Variants in GALNTL6 observed in about 807,000 individuals in gnomAD.
The protein encoded by GALNTL6 is polypeptide N-acetylgalactosaminyltransferase like 6, also known as polypeptide N-acetylgalactosaminyltransferase-like 6.
A neutral mutation model predicts 73.7 loss-of-function variants in GALNTL6; 46 were observed. That is an observed-to-expected ratio of 0.62 (90% CI 0.49 to 0.80). The LOEUF is 0.80. GALNTL6 is among the 30% of genes least tolerant of loss of function. The pLI is 0.00. For missense variants in GALNTL6, 604 were observed against 755.0 expected (o/e 0.80, Z 2.34); for synonymous variants, 259 against 263.7 (o/e 0.98, Z 0.17).
At chr4:172,216,036 G>A (rs73870025) in intron 2 of GALNTL6, among the ~76,000 whole-genome samples, 2,054 of 152,046 alleles carry the variant, frequency 0.014, 41 homozygotes, top group African/African-American at 0.046. Flanking sequence ...CACCCAATAT[G>A]TTGTTGCTAA....
intron 2 of GALNTL6, among the ~76,000 whole-genome samples, chr4:171,961,569 A>T (rs1222931334): frequency 6.6e-6 from 1 of 152,352 alleles, no homozygotes. Flanking sequence ...TAATAAAGCA[A>T]ATCAGTCTTA....
chr4:172,316,030 G>A (rs182134801), intron 4 of GALNTL6, among the ~76,000 whole-genome samples: 1 of 152,216 alleles, frequency 6.6e-6, no homozygotes, highest in African/African-American at 2.4e-5. Flanking sequence ...GCATGAATAT[G>A]TTGTTGCTAA....
At chr4:172,177,549 GTCTT>G (rs1349980228) in intron 2 of GALNTL6, among the ~76,000 whole-genome samples, 2 of 151,760 alleles carry the variant, frequency 1.3e-5, no homozygotes, top group Non-Finnish European at 1.5e-5. Flanking sequence ...ATATTTACTT[GTCTT>G]TCTTAGTTGA....
intron 5 of GALNTL6, among the ~76,000 whole-genome samples, chr4:172,520,600 T>C (rs1018764037): frequency 3.3e-5 from 5 of 151,870 alleles, no homozygotes; most frequent in African/African-American, 4.8e-5. Context: ...GTTGTTTCCA[T>C]TGAAAACATT....
intron 5 of GALNTL6, among the ~76,000 whole-genome samples, chr4:172,737,750 A>T (rs188015352): frequency 4.3e-4 from 65 of 152,302 alleles, no homozygotes; most frequent in Middle Eastern, 3.4e-3. Flanking sequence ...AACTTGTTCC[A>T]GTTTTTATTG....
intron 5 of GALNTL6, among the ~76,000 whole-genome samples, chr4:172,456,890 C>T (rs2111434254): frequency 6.6e-6 from 1 of 152,140 alleles, no homozygotes; most frequent in South Asian, 2.1e-4. Flanking sequence ...AACCCCAAAA[C>T]ACATAATTGT....
chr4:172,352,753 G>T (rs1239625853), intron 5 of GALNTL6, among the ~76,000 whole-genome samples: 5 of 151,924 alleles, frequency 3.3e-5, no homozygotes, highest in Non-Finnish European at 7.4e-5. Context: ...CTGTATACCC[G>T]AGTATGCACA....
chr4:172,300,733 A>T (rs1032661155), intron 3 of GALNTL6, among the ~76,000 whole-genome samples: 1 of 152,068 alleles, frequency 6.6e-6, no homozygotes, highest in Admixed American at 6.6e-5. Flanking sequence ...TTCTGCCGAG[A>T]TATCAGCTGT....
chr4:171,865,809 C>A (rs1008066895), intron 2 of GALNTL6, among the ~76,000 whole-genome samples: 1 of 152,148 alleles, frequency 6.6e-6, no homozygotes, highest in Non-Finnish European at 1.5e-5. Flanking sequence ...AATGCCCTTG[C>A]TGAAATCAGA....
At chr4:172,586,708 G>A (rs1333203309) in intron 5 of GALNTL6, among the ~76,000 whole-genome samples, 2 of 152,184 alleles carry the variant, frequency 1.3e-5, no homozygotes, top group Non-Finnish European at 2.9e-5. Context: ...GCATTATTAA[G>A]TTTTAATGAT....
chr4:172,082,066 G>A (rs1047216536), intron 2 of GALNTL6, among the ~76,000 whole-genome samples: 1 of 151,750 alleles, frequency 6.6e-6, no homozygotes, highest in East Asian at 1.9e-4. Flanking sequence ...TAGTAAAGAT[G>A]GGGTTTCACC....
At chr4:171,962,998 C>T (rs1579011166) in intron 2 of GALNTL6, among the ~76,000 whole-genome samples, 1 of 151,352 alleles carries the variant, frequency 6.6e-6, no homozygotes, top group South Asian at 2.1e-4. Context: ...AATCTCTTGA[C>T]CTTGTGATCC....
At chr4:172,477,080 C>G (rs1205853888) in intron 5 of GALNTL6, among the ~76,000 whole-genome samples, 2 of 151,514 alleles carry the variant, frequency 1.3e-5, no homozygotes, top group Non-Finnish European at 2.9e-5. Context: ...CGCCACCACG[C>G]CCGGCTAATT....
intron 8 of GALNTL6, among the ~76,000 whole-genome samples, chr4:172,911,631 T>A (rs1747208308): frequency 6.6e-6 from 1 of 152,180 alleles, no homozygotes; most frequent in South Asian, 2.1e-4. Context: ...TTAAAATGAC[T>A]CTAAACTCAT....
At chr4:172,523,186 G>A (rs557851439) in intron 5 of GALNTL6, among the ~76,000 whole-genome samples, 20 of 152,136 alleles carry the variant, frequency 1.3e-4, no homozygotes, top group African/African-American at 3.9e-4. Context: ...TATAATGTTC[G>A]ACAATATGAA....
At chr4:171,880,328 T>C (rs1046257446) in intron 2 of GALNTL6, among the ~76,000 whole-genome samples, 15 of 152,338 alleles carry the variant, frequency 9.8e-5, no homozygotes, top group African/African-American at 3.6e-4. Context: ...GCCAGTAATG[T>C]TTCCTGAAAC....
chr4:172,274,333 C>T (rs946224941), intron 3 of GALNTL6, among the ~76,000 whole-genome samples: 3 of 152,150 alleles, frequency 2.0e-5, no homozygotes, highest in African/African-American at 7.2e-5. Flanking sequence ...ATATTTCATA[C>T]TTTACAACAA....
chr4:172,009,227 C>T (rs1194406033), intron 2 of GALNTL6, among the ~76,000 whole-genome samples: 10 of 151,966 alleles, frequency 6.6e-5, no homozygotes, highest in Non-Finnish European at 1.0e-4. Flanking sequence ...AGGAAATTGT[C>T]CAACTTTGCC....
At chr4:172,985,804 CT>C (rs1308146064) in intron 10 of GALNTL6, among the ~76,000 whole-genome samples, 2 of 152,172 alleles carry the variant, frequency 1.3e-5, no homozygotes, top group African/African-American at 4.8e-5. Context: ...AATTCAGGAT[CT>C]GAAAAATACC....
Sources: allele counts gnomAD v4.1 joint callset (sites outside exome capture counted in the v4.1 genomes callset), GRCh38; gene constraint gnomAD v4.1.1; transcripts MANE v1.5; gene names NCBI Gene and HGNC (gene_info 2026-07-23, HGNC 2026-07-21).